Variants in RABGAP1 observed in about 807,000 individuals in gnomAD.
The protein encoded by RABGAP1 is rab GTPase-activating protein 1.
A neutral mutation model predicts 137.6 loss-of-function variants in RABGAP1; 23 were observed. That is an observed-to-expected ratio of 0.17 (90% confidence interval 0.12 to 0.24). RABGAP1 has a LOEUF of 0.24. Ranked by LOEUF, RABGAP1 falls within the 10% of genes least tolerant of loss-of-function variation. The probability of loss-of-function intolerance (pLI) is 1.00; values close to 1 mark genes in which losing one functional copy is unlikely to be tolerated. For synonymous variants in RABGAP1, 451 were observed against 450.7 expected (o/e 1.00, Z -0.01); for missense variants, 906 against 1,275.8 (o/e 0.71, Z 4.42).
intron 13 of RABGAP1, among the ~76,000 whole-genome samples, chr9:123,045,146 C>G (rs1298946165): frequency 6.6e-6 from 1 of 152,166 alleles, no homozygotes; most frequent in East Asian, 1.9e-4. Context: ...TAAATTCTGT[C>G]TATCAGCTTT....
At chr9:123,035,638 C>T (rs1554721624) in intron 13 of RABGAP1, 9 of 1,159,098 alleles carry the variant, frequency 7.8e-6, no homozygotes, top group Non-Finnish European at 1.1e-5. Flanking sequence ...TACGGGGTTC[C>T]CGTGTGTGTG....
At chr9:123,043,072 T>C (rs926153651) in intron 13 of RABGAP1, among the ~76,000 whole-genome samples, 3 of 152,172 alleles carry the variant, frequency 2.0e-5, no homozygotes, top group African/African-American at 7.2e-5. Context: ...ATGCCCAAAC[T>C]GTCATTCAAG....
At chr9:123,097,556 C>T (rs1403301592) in intron 21 of RABGAP1, among the ~76,000 whole-genome samples, 185 bp from the exon 22 acceptor site, 2 of 152,210 alleles carry the variant, frequency 1.3e-5, no homozygotes, top group Non-Finnish European at 2.9e-5. Flanking sequence ...CCTGCACTAC[C>T]TCTGAGCAAG....
Position 123,041,841 on chromosome 9 carries a change from A to G in RABGAP1, c.1794+21382A>G, listed in dbSNP as rs1003063470. Among the ~76,000 whole-genome samples the G allele has an allele frequency of 2.2e-4, 33 of 152,340 alleles. 1 individual carries two copies. Among genetic ancestry groups the G allele is most frequent in the Non-Finnish European group, 3.7e-4 (25 of 68,018 alleles). ...TCCCTATAAGCATAGAGACTAAAAA[A>G]CAAGAATTGATAGAAGCTGAAAAAC... On this transcript the variant is annotated intron_variant, in intron 13 of 25. Coordinates refer to ENST00000373647, the MANE Select transcript of RABGAP1 (RefSeq NM_012197.4).
At chr9:122,948,211 C>T (rs1834044067) in intron 1 of RABGAP1, among the ~76,000 whole-genome samples, 2 of 152,174 alleles carry the variant, frequency 1.3e-5, no homozygotes, top group South Asian at 2.1e-4. Context: ...TTTGTTGCAT[C>T]CTGTCTTGTT....
intron 14 of RABGAP1, among the ~76,000 whole-genome samples, chr9:123,069,671 A>G (rs1378074150): frequency 6.6e-6 from 1 of 152,006 alleles, no homozygotes; most frequent in South Asian, 2.1e-4. Context: ...GTCTGAGCCT[A>G]GGGGTTAGAG....
chr9:123,098,856 A>T, intron 23 of RABGAP1, 58 bp downstream of exon 23: 1 of 1,254,172 alleles, frequency 8.0e-7, no homozygotes, highest in Non-Finnish European at 1.1e-6. Context: ...AGTCTGGATA[A>T]AATGTATACC....
intron 13 of RABGAP1, among the ~76,000 whole-genome samples, chr9:123,026,411 T>C (rs922437920): frequency 1.3e-5 from 2 of 152,210 alleles, no homozygotes; most frequent in Non-Finnish European, 2.9e-5. Flanking sequence ...TATCAGCTTT[T>C]TCAGGACTAT....
intron 21 of RABGAP1, among the ~76,000 whole-genome samples, chr9:123,093,004 T>C (rs576194954): frequency 6.6e-6 from 1 of 152,162 alleles, no homozygotes; most frequent in South Asian, 2.1e-4. Context: ...GTTAGACTTC[T>C]CTCTGTAGTT....
intron 13 of RABGAP1, chr9:123,035,321 T>C: frequency 6.2e-7 from 1 of 1,614,218 alleles, no homozygotes; most frequent in Non-Finnish European, 8.5e-7. Context: ...CGCTATGCCA[T>C]GGTCCTGTTT....
chr9:123,092,838 C>A (rs973738535), intron 21 of RABGAP1, among the ~76,000 whole-genome samples: 1 of 152,194 alleles, frequency 6.6e-6, no homozygotes, highest in African/African-American at 2.4e-5. Context: ...ACACAGATCA[C>A]CCAGCTAGTG....
At chr9:122,935,327 T>C in the RABGAP1 span, among the ~76,000 whole-genome samples, 17 of 152,172 alleles carry the variant, frequency 1.1e-4, no homozygotes, top group African/African-American at 4.1e-4. Context: ...ATTTTATACA[T>C]TGTATATCCA....
rs566675813 is a variant in RABGAP1 at position 123,055,161 on chromosome 9, T to A, written c.1795-10187T>A. On this transcript the variant is annotated intron_variant, in intron 13 of 25. Transcript: ENST00000373647. Reference sequence around the variant, plus strand: ...TCCATTTATTTATTCAATCATTTATTTATGTAAGTATGGACTCCTGGATAT... The same window carrying A: ...TCCATTTATTTATTCAATCATTTATATATGTAAGTATGGACTCCTGGATAT... Among the ~76,000 whole-genome samples, 47 of 152,252 alleles carry A rather than the reference T, an allele frequency of 3.1e-4. 2 individuals are homozygous for A. In the South Asian group the frequency reaches 9.3e-3, roughly 30 times the overall value.
At chr9:123,053,662 A>G (rs560466424) in intron 13 of RABGAP1, among the ~76,000 whole-genome samples, 5 of 152,146 alleles carry the variant, frequency 3.3e-5, no homozygotes. Context: ...TTTTTGTTTT[A>G]TTCTGTTTTC....
At chr9:122,993,625 A>G (rs1417692468) in intron 6 of RABGAP1, among the ~76,000 whole-genome samples, 4 of 151,986 alleles carry the variant, frequency 2.6e-5, no homozygotes, top group East Asian at 3.9e-4. Flanking sequence ...CCCATGGGAA[A>G]ACTGAGCATT....
intron 1 of RABGAP1, chr9:122,945,482 C>G (rs1833900085): frequency 6.6e-6 from 1 of 152,114 alleles, no homozygotes; most frequent in African/African-American, 2.4e-5. Flanking sequence ...ACTTTTCCCC[C>G]TAAATCCCTT....
intron 2 of RABGAP1, among the ~76,000 whole-genome samples, chr9:122,977,665 C>T (rs1429384468): frequency 2.0e-5 from 3 of 152,038 alleles, no homozygotes; most frequent in African/African-American, 7.3e-5. Flanking sequence ...GAGATTGCGC[C>T]ACTGTACTGC....
chr9:123,069,942 A>C (rs1402079673), intron 14 of RABGAP1, among the ~76,000 whole-genome samples: 1 of 152,184 alleles, frequency 6.6e-6, no homozygotes, highest in Non-Finnish European at 1.5e-5. Context: ...CATGTATAGC[A>C]GGTGCCATAG....
At chr9:123,056,524 G>C (rs1484913037) in intron 13 of RABGAP1, among the ~76,000 whole-genome samples, 1 of 139,478 alleles carries the variant, frequency 7.2e-6, no homozygotes, top group African/African-American at 2.7e-5. Context: ...GGTGTTTCTT[G>C]CAGAGTGGGA....
Sources: allele counts gnomAD v4.1 joint callset (sites outside exome capture counted in the v4.1 genomes callset), GRCh38; gene constraint gnomAD v4.1.1; transcripts MANE v1.5; gene names NCBI Gene and HGNC (gene_info 2026-07-23, HGNC 2026-07-21).